Variants in OSBP2 observed in about 807,000 individuals in gnomAD.
The protein encoded by OSBP2 is oxysterol binding protein 2.
In OSBP2, 66 loss-of-function variants were observed where a neutral mutation model predicts 96.0. The observed-to-expected ratio is 0.69, with a 90% confidence interval of 0.56 to 0.84. The LOEUF (loss-of-function observed/expected upper bound fraction) is 0.84. OSBP2 is among the 40% of genes least tolerant of loss of function. OSBP2 has a pLI of 0.00. For missense variants in OSBP2, 1,038 were observed against 1,222.7 expected (o/e 0.85, Z 2.25); for synonymous variants, 525 against 520.9 (o/e 1.01, Z -0.11).
intron 2 of OSBP2, among the ~76,000 whole-genome samples, chr22:30,807,736 GC>G (rs1198137159): frequency 6.6e-6 from 1 of 152,100 alleles, no homozygotes; most frequent in Non-Finnish European, 1.5e-5. Flanking sequence ...TTCTTTCCCT[GC>G]CTAAATCCAG....
At position 30,881,548 on chromosome 22, in the gene OSBP2, A is replaced by G. The variant is rs1409180236; in HGVS notation, c.1108-5878A>G. On this transcript the variant is annotated intron_variant, in intron 3 of 13. Transcript: ENST00000332585. This position sits in a 1 kb window ranked among gnomAD's most constrained non-coding sequence, Gnocchi z 4.5. Reference sequence around the variant, plus strand: ...AGAGTTGTCACACAGCCTCAGAGAAATGAGACCACGTTCAGGCCTGGGCTG... The same window carrying G: ...AGAGTTGTCACACAGCCTCAGAGAAGTGAGACCACGTTCAGGCCTGGGCTG... 3.0e-6 allele frequency: 2 copies of G among 675,208 alleles called. No homozygotes were observed. Among genetic ancestry groups the G allele is most frequent in the African/African-American group, 3.8e-5 (2 of 52,644 alleles). 41.8% of individuals were successfully genotyped at this position (675,208 alleles called of 1,614,324 possible).
intron 12 of OSBP2, chr22:30,902,107 T>G (rs1337611051): frequency 1.2e-4 from 36 of 305,574 alleles, no homozygotes; most frequent in Admixed American, 9.1e-4. Context: ...CTTAGCAATA[T>G]AAGAAAAAAA....
At chr22:30,875,867 C>T (rs563676839) in intron 3 of OSBP2, among the ~76,000 whole-genome samples, 11 of 152,360 alleles carry the variant, frequency 7.2e-5, no homozygotes, top group Admixed American at 2.6e-4. Context: ...TGATCCCTGC[C>T]CAGGCCTGTG....
chr22:30,850,575 C>T (rs2038961161), intron 2 of OSBP2, among the ~76,000 whole-genome samples: 1 of 152,132 alleles, frequency 6.6e-6, no homozygotes, highest in African/African-American at 2.4e-5. Context: ...TCTCCGCTCA[C>T]TGCAACCTCC....
intron 2 of OSBP2, among the ~76,000 whole-genome samples, chr22:30,782,404 C>T (rs1360291172): frequency 2.6e-5 from 4 of 152,110 alleles, no homozygotes; most frequent in African/African-American, 9.7e-5. Context: ...CTTGGCCAGG[C>T]TGGTCTCGAA....
At chr22:30,841,149 A>C (rs945994478) in intron 2 of OSBP2, among the ~76,000 whole-genome samples, 4 of 152,166 alleles carry the variant, frequency 2.6e-5, no homozygotes, top group African/African-American at 9.7e-5. Flanking sequence ...TGGGTGACAG[A>C]GTGAGACTCT....
At chr22:30,814,771 C>A (rs136237) in intron 2 of OSBP2, among the ~76,000 whole-genome samples, 56,802 of 151,952 alleles carry the variant, frequency 0.37, 10,846 homozygotes, top group Non-Finnish European at 0.43. Flanking sequence ...ATTCTGAGAT[C>A]CTGGGGGTTT....
intron 12 of OSBP2, among the ~76,000 whole-genome samples, chr22:30,897,837 C>T (rs1331838289): frequency 2.0e-5 from 3 of 151,714 alleles, no homozygotes; most frequent in Non-Finnish European, 4.4e-5. Context: ...GTAATCCCAG[C>T]TACTTGGGAG....
chr22:30,798,527 G>T (rs1376134733), intron 2 of OSBP2, among the ~76,000 whole-genome samples: 1 of 152,098 alleles, frequency 6.6e-6, no homozygotes, highest in Non-Finnish European at 1.5e-5. Flanking sequence ...TTGCACTAAG[G>T]TTTTGCTTAT....
chr22:30,720,411 G>T (rs2089529950), intron 1 of OSBP2, among the ~76,000 whole-genome samples: 1 of 152,138 alleles, frequency 6.6e-6, no homozygotes, highest in South Asian at 2.1e-4. Context: ...CAGGCAATTG[G>T]CAGGAGGCCT....
chr22:30,777,170 T>C (rs2090449062), intron 2 of OSBP2, among the ~76,000 whole-genome samples: 1 of 152,164 alleles, frequency 6.6e-6, no homozygotes, highest in Non-Finnish European at 1.5e-5. Context: ...TGGGGGACTG[T>C]TGGGAAGGCT....
intron 1 of OSBP2, among the ~76,000 whole-genome samples, chr22:30,713,864 C>T (rs568055791): frequency 6.6e-6 from 1 of 152,268 alleles, no homozygotes; most frequent in South Asian, 2.1e-4. Context: ...ATCAAAGTAA[C>T]TAGCATATCC....
At chr22:30,838,752 C>T (rs2038685262) in intron 2 of OSBP2, among the ~76,000 whole-genome samples, 1 of 151,236 alleles carries the variant, frequency 6.6e-6, no homozygotes, top group Non-Finnish European at 1.5e-5. Context: ...TTTCTTTAGT[C>T]TGTTAATATA....
chr22:30,811,973 A>T (rs2091014337), intron 2 of OSBP2, among the ~76,000 whole-genome samples: 1 of 151,718 alleles, frequency 6.6e-6, no homozygotes. Flanking sequence ...CTCCTGCCTC[A>T]GCCTCCGAAG....
chr22:30,725,181 C>A (rs7510807), intron 1 of OSBP2, among the ~76,000 whole-genome samples: 93,369 of 134,844 alleles, frequency 0.69, 31,822 homozygotes, highest in East Asian at 0.92. Context: ...GTCTCAAAAA[C>A]AAAAAAACAA....
intron 12 of OSBP2, 93 bp downstream of exon 12, chr22:30,894,094 G>C: frequency 8.9e-7 from 1 of 1,127,318 alleles, no homozygotes; most frequent in African/African-American, 1.5e-5. Flanking sequence ...GAGGTCGGGA[G>C]GGTTCAGTCC....
At position 30,695,326 on chromosome 22, in the gene OSBP2, C is replaced by G. The variant is rs779791003; in HGVS notation, c.417C>G (p.Pro139=). ...TGGGGAGCGCGACCTTTCTCAGACCCGAGTCAGGATCGCTGCCAGCGTTAA... is the reference window on the plus strand; with the variant it reads ...TGGGGAGCGCGACCTTTCTCAGACCGGAGTCAGGATCGCTGCCAGCGTTAA... ...RAVGSATFLR[P]ESGSLPALKP... Residue 139 remains proline, a synonymous_variant, in exon 1 of 14, where the codon CCC becomes CCG. Transcript: ENST00000332585. The G allele has an allele frequency of 3.8e-5, 61 of 1,613,556 alleles. No individual in the cohort carries two copies. In the Admixed American group the frequency reaches 8.2e-4, roughly 22 times the overall value.
intron 2 of OSBP2, among the ~76,000 whole-genome samples, chr22:30,837,261 CAA>C (rs34674333): frequency 4.8e-4 from 53 of 110,724 alleles, no homozygotes; most frequent in Admixed American, 7.7e-4. Flanking sequence ...GACTCTGTCT[CAA>C]AAAAAAAAAA....
chr22:30,838,193 G>T (rs2038676587), intron 2 of OSBP2, among the ~76,000 whole-genome samples: 1 of 152,132 alleles, frequency 6.6e-6, no homozygotes, highest in Non-Finnish European at 1.5e-5. Flanking sequence ...GTCCAATTTA[G>T]AGGGTCCCAG....
Sources: gnomAD v4.1 joint callset for allele counts (sites outside exome capture counted in the v4.1 genomes callset) on GRCh38, gnomAD v4.1.1 for gene constraint, Gnocchi (gnomAD v3.1) non-coding constraint, MANE v1.5 for transcripts, NCBI Gene and HGNC (gene_info 2026-07-23, HGNC 2026-07-21) for gene names.